The following PPP1R3F variants were observed in gnomAD, a reference collection of about 807,000 sequenced individuals.
PPP1R3F encodes the protein protein phosphatase 1 regulatory subunit 3F.
PPP1R3F carries 29 observed loss-of-function variants against 24.2 expected under a neutral mutation model. That is an observed-to-expected ratio of 1.20 (90% confidence interval 0.89 to 1.63). The LOEUF is 1.63. Ranked by LOEUF, PPP1R3F falls within the 40% of genes most tolerant of loss-of-function variation. The pLI is 0.00. For missense variants in PPP1R3F, 823 were observed against 729.3 expected, an observed-to-expected ratio of 1.13 and a Z score of -1.48; for synonymous variants, 363 against 340.1, an observed-to-expected ratio of 1.07 and a Z score of -0.74.
Position 49,270,178 on chromosome X carries a change from G to A in PPP1R3F, c.309G>A (p.Pro103=). ...EEEEACPEPS[P]LCPVPAGGGF... ...AGGAGGCTTGCCCCGAGCCCTCACC[G>A]CTGTGCCCCGTCCCCGCTGGCGGGG... The change falls in exon 1 of 4, where the codon CCG becomes CCA. Residue 103 remains proline, a synonymous_variant. Transcript: ENST00000055335. 1.8e-6 allele frequency: 2 copies of A among 1,097,844 alleles called. No homozygotes were observed. The highest frequency in any genetic ancestry group is 3.6e-5 in the Admixed American group (1 of 28,050). The allele number at this position is 1,097,844 out of a possible 1,213,427, so 90.5% of individuals were successfully genotyped here.
chrX:49,286,330 G>A lies in PPP1R3F; in HGVS notation c.1640G>A (p.Ser547Asn). The A allele has an allele frequency of 8.3e-7, 1 of 1,207,717 alleles. No homozygotes were observed. The highest frequency in any genetic ancestry group is 1.1e-6 in the Non-Finnish European group (1 of 892,960). ...KWPGPERALN[S>N]ALAEEITLHY... Reference sequence around the variant, plus strand: ...CCTGGCCCTGAGCGGGCCCTGAACAGCGCCCTGGCTGAGGAGATCACGCTG... The same window carrying A: ...CCTGGCCCTGAGCGGGCCCTGAACAACGCCCTGGCTGAGGAGATCACGCTG... The change falls in exon 4 of 4, where the codon AGC becomes AAC. Residue 547 changes from serine to asparagine, a missense_variant. Ser to Asn is a conservative substitution (Grantham distance 46, BLOSUM62 1). Coordinates refer to ENST00000055335, the MANE Select transcript of PPP1R3F (RefSeq NM_033215.5).
rs1557121400 is a variant in PPP1R3F, at chrX:49,286,024, G to A, written c.1334G>A (p.Gly445Glu). Residue 445 changes from glycine to glutamate, a missense_variant, in exon 4 of 4, where the codon GGG (glycine) becomes GAG (glutamate). By Grantham distance (98) the Gly-to-Glu change is moderately conservative (BLOSUM62 -2). Coordinates refer to ENST00000055335, the MANE Select transcript of PPP1R3F (RefSeq NM_033215.5). ...CCCGATGCGAGCGAGGGGGCCACCG[G>A]GCCTTTCCTGGAGCCCAGTCAGCAG... ...SGPDASEGAT[G>E]PFLEPSQQQA... is the part of the protein sequence containing the mutation. 1.7e-6 allele frequency: 2 copies of A among 1,176,211 alleles called. No homozygotes were observed. The highest frequency in any genetic ancestry group is 3.8e-5 in the South Asian group (2 of 52,122).
intron 1 of PPP1R3F, among the ~76,000 whole-genome samples, chrX:49,276,665 C>T (rs938696340): frequency 2.7e-5 from 3 of 112,006 alleles, no homozygotes; most frequent in Admixed American, 9.4e-5. Flanking sequence ...GGATTTCTTA[C>T]TATGGGTCGT....
At chrX:49,274,776 G>C (rs2066202202) in intron 1 of PPP1R3F, 1 of 111,456 alleles carries the variant, frequency 9.0e-6, no homozygotes, top group South Asian at 3.7e-4. Context: ...TTTACCTTCA[G>C]ACTTTCTCTC....
Position 49,286,088 on chromosome X carries a change from AG to A in PPP1R3F, c.1404del (p.Leu469TrpfsTer4). ...ATWGVSSENG[G>X]GLEAVSGSEE... is the part of the protein sequence containing the mutation. ...CATGGGGAGTATCGAGTGAGAATGGAGGGGGGCTGGAGGCTGTGAGTGGGTC... is the reference window on the plus strand; with the variant it reads ...CATGGGGAGTATCGAGTGAGAATGGAGGGGGCTGGAGGCTGTGAGTGGGTC... On this transcript the variant is annotated frameshift_variant, in exon 4 of 4. Coordinates refer to ENST00000055335, the MANE Select transcript of PPP1R3F (RefSeq NM_033215.5). LOFTEE classifies it high-confidence loss of function. 1.7e-6 allele frequency: 2 copies of A among 1,173,220 alleles called. No homozygotes were observed. The highest frequency in any genetic ancestry group is 2.3e-6 in the Non-Finnish European group (2 of 874,162).
chrX:49,288,432 CTT>C (rs782047060), downstream of PPP1R3F, among the ~76,000 whole-genome samples: 5 of 112,696 alleles, frequency 4.4e-5, no homozygotes, highest in South Asian at 1.8e-3. Flanking sequence ...CTTGAAACTG[CTT>C]TGTAGGTTCA....
In PPP1R3F at chrX:49,285,949, C is replaced by A; in HGVS notation, c.1259C>A (p.Ser420Tyr). 8 of 1,208,606 alleles carry A rather than the reference C, an allele frequency of 6.6e-6. No homozygotes were observed. Among genetic ancestry groups the A allele is most frequent in the Non-Finnish European group, 7.8e-6 (7 of 893,504 alleles). ...LQAPAIRIPP[S>Y]SPLCGLGGSP... is the part of the protein sequence containing the mutation. ...GCACCGGCCATCAGGATTCCCCCCT[C>A]CTCCCCTCTCTGTGGCCTGGGTGGC... The change falls in exon 4 of 4, where the codon TCC (serine) becomes TAC (tyrosine). Residue 420 changes from serine (S) to tyrosine (Y), a missense_variant. Physicochemically the swap from Ser to Tyr is moderately radical, Grantham distance 144. Coordinates refer to ENST00000055335, the MANE Select transcript of PPP1R3F (RefSeq NM_033215.5).
At position 49,269,898 on chromosome X, in the gene PPP1R3F, C is replaced by T. The variant is rs1557118546; in HGVS notation, c.29C>T (p.Pro10Leu). 1.1e-6 allele frequency: 1 copy of T among 905,643 alleles called. No homozygotes were observed. Among genetic ancestry groups the T allele is most frequent in the Non-Finnish European group, 1.4e-6 (1 of 735,324 alleles). The allele number at this position is 905,643 out of a possible 1,213,427, so 74.6% of individuals were successfully genotyped here. A position where few individuals can be genotyped will look rare whatever the true frequency, so the allele number is the denominator to read the frequency against. The change falls in exon 1 of 4, where the codon CCG (proline) becomes CTG (leucine). Residue 10 changes from proline to leucine, a missense_variant. Coordinates refer to ENST00000055335, the MANE Select transcript of PPP1R3F (RefSeq NM_033215.5). MARTAPVEP[P>L]LRHSAPPSPA... The stretch of plus-strand genomic sequence containing the variant: ...GCGCGTACGGCCCCTGTGGAGCCCC[C>T]GCTGCGGCATTCCGCGCCCCCCTCG...
At chrX:49,275,673 A>G (rs1335587324) in intron 1 of PPP1R3F, 1 of 112,457 alleles carries the variant, frequency 8.9e-6, no homozygotes, top group African/African-American at 3.2e-5. Flanking sequence ...CGTGAGGGGT[A>G]GGGACATGGT....
chrX:49,295,124 A>G (rs868981771), intron 3 of PPP1R3F, among the ~76,000 whole-genome samples: 1 of 110,400 alleles, frequency 9.1e-6, no homozygotes, highest in Non-Finnish European at 1.9e-5. Flanking sequence ...GATTGCATTT[A>G]TTGATTTTTA....
At chrX:49,292,581 C>G (rs978569449), downstream of PPP1R3F, among the ~76,000 whole-genome samples, 1 of 112,787 alleles carries the variant, frequency 8.9e-6, no homozygotes. Context: ...CAGCTGCCAG[C>G]TCCGCCTCCA....
At position 49,287,208 on chromosome X, in the gene PPP1R3F, A is replaced by G. The variant is rs1324027700; in HGVS notation, c.*118A>G. On this transcript the variant is annotated 3_prime_UTR_variant, in exon 4 of 4. Coordinates refer to ENST00000055335, the MANE Select transcript of PPP1R3F (RefSeq NM_033215.5). ...TGAAAGAGAGGCCTTCTCATCCCCA[A>G]GCTCTCCAGTCAACACAGGGCTCCC... 4.1e-6 allele frequency: 3 copies of G among 737,616 alleles called. No individual in the cohort carries two copies. Among genetic ancestry groups the G allele is most frequent in the Non-Finnish European group, 3.9e-6 (2 of 511,298 alleles). 60.8% of individuals were successfully genotyped at this position (737,616 alleles called of 1,213,427 possible).
chrX:49,270,990 GAGTC>G (rs1474914799), intron 1 of PPP1R3F, 117 bp downstream of exon 1: 15 of 737,611 alleles, frequency 2.0e-5, no homozygotes, highest in East Asian at 3.5e-5. Flanking sequence ...AGGGTGCATT[GAGTC>G]AGTCAGTCAA....
chrX:49,270,390 C>G lies in PPP1R3F; in HGVS notation c.521C>G (p.Ser174Cys), dbSNP rs782476662. 1 of 1,166,592 alleles carries G rather than the reference C, an allele frequency of 8.6e-7. No individual in the cohort carries two copies. The highest frequency in any genetic ancestry group is 1.1e-6 in the Non-Finnish European group (1 of 878,808). Residue 174 changes from serine to cysteine, a missense_variant, in exon 1 of 4, where the codon TCC (serine) becomes TGC (cysteine). Transcript: ENST00000055335. ...LRGLVRVLNRSFEKAVHVRAS... is the reference protein window; with the variant it reads ...LRGLVRVLNRCFEKAVHVRAS... The stretch of plus-strand genomic sequence containing the variant: ...GGGTTGGTACGCGTGCTGAACCGCT[C>G]CTTCGAGAAGGCGGTGCACGTGCGG...
chrX:49,297,225 A>T (rs1300007655), intron 3 of PPP1R3F, among the ~76,000 whole-genome samples: 6 of 104,171 alleles, frequency 5.8e-5, no homozygotes, highest in African/African-American at 1.4e-4. Flanking sequence ...TTATTTATTT[A>T]TTTTTTGAGA....
At chrX:49,300,406 C>T (rs1175790571) in intron 3 of PPP1R3F, among the ~76,000 whole-genome samples, 2 of 109,671 alleles carry the variant, frequency 1.8e-5, no homozygotes, top group African/African-American at 3.3e-5. Context: ...AAATCACCCA[C>T]CTTCTGCCTT....
chrX:49,286,779 G>T lies in PPP1R3F; in HGVS notation c.2089G>T (p.Val697Phe). 1.7e-6 allele frequency: 2 copies of T among 1,202,696 alleles called. No individual in the cohort carries two copies. Among genetic ancestry groups the T allele is most frequent in the Non-Finnish European group, 2.2e-6 (2 of 890,417 alleles). The stretch of plus-strand genomic sequence containing the variant: ...ATCTGGCAAGGAGCCAGCCTCTCCC[G>T]TCCTTCTGCAGGGGCAAAATCCCAC... ...PISGKEPASP[V>F]LLQGQNPTLL... Residue 697 changes from valine (V) to phenylalanine (F), a missense_variant, in exon 4 of 4, where the codon GTC becomes TTC. By Grantham distance (50) the Val-to-Phe change is conservative. Transcript: ENST00000055335.
downstream of PPP1R3F, among the ~76,000 whole-genome samples, chrX:49,288,499 CATTA>C (rs1243165116): frequency 9.4e-6 from 1 of 106,218 alleles, no homozygotes; most frequent in African/African-American, 3.5e-5. Flanking sequence ...GATCATGACA[CATTA>C]ATTCTTAAAT....
At chrX:49,282,495 T>TGTG in intron 3 of PPP1R3F, among the ~76,000 whole-genome samples, 1 of 76,086 alleles carries the variant, frequency 1.3e-5, no homozygotes, top group African/African-American at 5.6e-5. Flanking sequence ...GTGTGTGTGT[T>TGTG]GTGGGCGGGG....
Sources: gnomAD v4.1 joint callset for allele counts (sites outside exome capture counted in the v4.1 genomes callset) on GRCh38, gnomAD v4.1.1 for gene constraint, MANE v1.5 for transcripts, NCBI Gene and HGNC (gene_info 2026-07-23, HGNC 2026-07-21) for gene names.